The following KLHL7 variants were observed in gnomAD, a reference collection of about 807,000 sequenced individuals.
The protein encoded by KLHL7 is kelch like family member 7.
Under a neutral mutation model 67.4 loss-of-function variants are expected in KLHL7, and 44 were observed. The ratio of observed to expected loss-of-function variants is 0.65; its 90% CI spans 0.51 to 0.84. The LOEUF is 0.84. Among genes scored for constraint, KLHL7 ranks in the 40% least tolerant of loss-of-function variants. KLHL7 has a pLI of 0.00. For synonymous variants in KLHL7, 252 were observed against 243.3 expected (o/e 1.04, Z -0.33); for missense variants, 362 against 718.1 (o/e 0.50, Z 5.67).
intron 6 of KLHL7, among the ~76,000 whole-genome samples, chr7:23,146,888 T>C (rs1784375231): frequency 6.6e-6 from 1 of 152,070 alleles, no homozygotes; most frequent in African/African-American, 2.4e-5. Context: ...TAGGTACACA[T>C]ACACACAGTC....
At chr7:23,107,896 C>T (rs1188446261) in intron 1 of KLHL7, among the ~76,000 whole-genome samples, 1 of 152,176 alleles carries the variant, frequency 6.6e-6, no homozygotes, top group Non-Finnish European at 1.5e-5. Context: ...AATTGATTTA[C>T]ATTATGGTTA....
chr7:23,107,854 C>T (rs1057387448), intron 1 of KLHL7, among the ~76,000 whole-genome samples: 1 of 152,204 alleles, frequency 6.6e-6, no homozygotes, highest in Non-Finnish European at 1.5e-5. Context: ...TGGAATCATG[C>T]ATCTTTTGCA....
At chr7:23,171,519 A>T (rs1785160430) in intron 9 of KLHL7, among the ~76,000 whole-genome samples, 1 of 152,148 alleles carries the variant, frequency 6.6e-6, no homozygotes. Context: ...CTTCACCTGG[A>T]TGAGCGTGTG....
chr7:23,142,672 A>G (rs1239467323), intron 5 of KLHL7, among the ~76,000 whole-genome samples: 1 of 152,140 alleles, frequency 6.6e-6, no homozygotes, highest in African/African-American at 2.4e-5. Flanking sequence ...AAAAACCATA[A>G]CCTCAGTCTA....
chr7:23,145,469 C>G (rs1415271044), intron 6 of KLHL7, among the ~76,000 whole-genome samples: 4 of 151,850 alleles, frequency 2.6e-5, no homozygotes, highest in Admixed American at 1.3e-4. Context: ...TTATTGGAAG[C>G]TTTTCTTAAA....
intron 4 of KLHL7, among the ~76,000 whole-genome samples, chr7:23,135,320 A>T (rs920109505): frequency 6.6e-6 from 1 of 152,074 alleles, no homozygotes; most frequent in Non-Finnish European, 1.5e-5. Flanking sequence ...AGTTTTTTTT[A>T]AATGTTTTAA....
intron 1 of KLHL7, among the ~76,000 whole-genome samples, chr7:23,110,407 G>A (rs1024945427): frequency 2.0e-5 from 3 of 152,096 alleles, no homozygotes; most frequent in Admixed American, 6.5e-5. Flanking sequence ...TATACTGTTG[G>A]TTATTCCATC....
intron 5 of KLHL7, among the ~76,000 whole-genome samples, 177 bp downstream of exon 5, chr7:23,141,121 C>T (rs1220351834): frequency 2.0e-5 from 3 of 152,134 alleles, no homozygotes; most frequent in Non-Finnish European, 4.4e-5. Context: ...GAGAAATAGG[C>T]CACTTCATAG....
At chr7:23,144,262 C>T (rs924087727) in intron 6 of KLHL7, among the ~76,000 whole-genome samples, 6 of 152,184 alleles carry the variant, frequency 3.9e-5, no homozygotes, top group Admixed American at 2.0e-4. Context: ...TTTTCCTATT[C>T]TTGTATACAA....
Position 23,172,933 on chromosome 7 carries a change from C to T in KLHL7, c.1380-15C>T. On this transcript the variant is annotated splice_polypyrimidine_tract_variant and intron_variant, in intron 9 of 10. Transcript: ENST00000339077. ...TTCCTGTAAACAAGCACACTAAAAACTTTAATTTTTTCAGATGGACTGAGC... is the reference window on the plus strand; with the variant it reads ...TTCCTGTAAACAAGCACACTAAAAATTTTAATTTTTTCAGATGGACTGAGC... 1 of 1,602,358 alleles carries T rather than the reference C, an allele frequency of 6.2e-7. No homozygotes were observed. The highest frequency in any genetic ancestry group is 8.6e-7 in the Non-Finnish European group (1 of 1,169,494).
In KLHL7 at chr7:23,143,955, TTTC is replaced by T. The variant is rs1472646257; in HGVS notation, c.726_728del (p.Phe242del). The T allele has an allele frequency of 6.2e-7, 1 of 1,614,106 alleles. No homozygotes were observed. The highest frequency in any genetic ancestry group is 1.3e-5 in the African/African-American group (1 of 75,074). ...TCAGGTTTCCTCTTATATCAAAGAATTTCTTAAGTAAAACGGTACAAGCTGAAC... is the reference window on the plus strand; with the variant it reads ...TCAGGTTTCCTCTTATATCAAAGAATTTAAGTAAAACGGTACAAGCTGAAC... On this transcript the variant is annotated inframe_deletion, in exon 6 of 11. Coordinates refer to ENST00000339077, the MANE Select transcript of KLHL7 (RefSeq NM_001031710.3).
At chr7:23,145,479 A>G (rs1784327699) in intron 6 of KLHL7, among the ~76,000 whole-genome samples, 1 of 151,914 alleles carries the variant, frequency 6.6e-6, no homozygotes, top group Middle Eastern at 3.2e-3. Context: ...CTTTTCTTAA[A>G]TATTTGGTTT....
At chr7:23,136,899 T>C (rs1296859874) in intron 4 of KLHL7, among the ~76,000 whole-genome samples, 1 of 152,238 alleles carries the variant, frequency 6.6e-6, no homozygotes. Context: ...TCCAAATAAA[T>C]GTATTTATTT....
intron 4 of KLHL7, among the ~76,000 whole-genome samples, chr7:23,134,461 G>A (rs1178255765): frequency 2.0e-5 from 3 of 152,102 alleles, no homozygotes; most frequent in Non-Finnish European, 2.9e-5. Flanking sequence ...GGTAATGCTG[G>A]CCTCATCAAA....
intron 8 of KLHL7, 64 bp from the exon 9 acceptor site, chr7:23,167,768 ACAGT>A: frequency 7.2e-7 from 1 of 1,380,130 alleles, no homozygotes; most frequent in Non-Finnish European, 1.0e-6. Context: ...AATAAGATCT[ACAGT>A]CAGTTCTTTC....
rs1785299105 is a variant in KLHL7 at position 23,176,646 on chromosome 7, T to C, written c.*2348T>C. ...ATGATTGTGCCACTGCACTCCAGCCTGGGTGACAGACTGAGACCCTGTCTC... is the reference window on the plus strand; with the variant it reads ...ATGATTGTGCCACTGCACTCCAGCCCGGGTGACAGACTGAGACCCTGTCTC... On this transcript the variant is annotated 3_prime_UTR_variant, in exon 11 of 11. Coordinates refer to ENST00000339077, the MANE Select transcript of KLHL7 (RefSeq NM_001031710.3). 6.7e-6 allele frequency: 1 copy of C among 148,504 alleles called. No individual in the cohort carries two copies. Among genetic ancestry groups the C allele is most frequent in the South Asian group, 2.1e-4 (1 of 4,680 alleles). 9.2% of individuals were successfully genotyped at this position (148,504 alleles called of 1,614,324 possible).
In KLHL7 at chr7:23,144,166, T is replaced by C. The variant is rs116591450; in HGVS notation, c.793+141T>C. 2.4e-3 allele frequency: 1,824 copies of C among 745,494 alleles called. 25 individuals are homozygous for C. In the African/African-American group the frequency reaches 0.026, roughly 10 times the overall value. 46.2% of individuals were successfully genotyped at this position (745,494 alleles called of 1,614,324 possible). A position where few individuals can be genotyped will look rare whatever the true frequency, so the allele number is the denominator to read the frequency against. Reference sequence around the variant, plus strand: ...TCTTCTAGATAGTTAATCCCTTGGGTTTCTGAACTGTACACCTGGAAGGGA... The same window carrying C: ...TCTTCTAGATAGTTAATCCCTTGGGCTTCTGAACTGTACACCTGGAAGGGA... On this transcript the variant is annotated intron_variant, in intron 6 of 10. Coordinates refer to ENST00000339077, the MANE Select transcript of KLHL7 (RefSeq NM_001031710.3).
chr7:23,166,024 T>G, intron 8 of KLHL7, 86 bp downstream of exon 8: 1 of 1,413,392 alleles, frequency 7.1e-7, no homozygotes, highest in Non-Finnish European at 1.0e-6. Flanking sequence ...ACAGCTGGTA[T>G]TATTTGTCCA....
chr7:23,128,609 G>T (rs1439773304), intron 4 of KLHL7, among the ~76,000 whole-genome samples: 2 of 151,906 alleles, frequency 1.3e-5, no homozygotes, highest in African/African-American at 2.4e-5. Flanking sequence ...ACTAGATAGT[G>T]GTGACTGTGG....
Sources: allele counts gnomAD v4.1 joint callset (sites outside exome capture counted in the v4.1 genomes callset), GRCh38; gene constraint gnomAD v4.1.1; transcripts MANE v1.5; gene names NCBI Gene and HGNC (gene_info 2026-07-23, HGNC 2026-07-21).